AFF1: variants seen among roughly 807,000 people sequenced by gnomAD.
The protein encoded by AFF1 is AF4/FMR2 family member 1.
AFF1 carries 48 observed loss-of-function variants against 121.7 expected under a neutral mutation model. The ratio of observed to expected loss-of-function variants is 0.39; its 90% CI spans 0.31 to 0.50. The LOEUF is 0.50. AFF1 is among the 20% of genes least tolerant of loss of function. The pLI, the probability that AFF1 is intolerant of heterozygous loss-of-function variation, is 0.76. For missense variants in AFF1, 1,523 were observed against 1,511.7 expected (o/e 1.01, Z -0.12); for synonymous variants, 613 against 563.0 (o/e 1.09, Z -1.26).
At position 87,134,069 on chromosome 4, in the gene AFF1, G is replaced by A. The variant is rs553327889; in HGVS notation, c.3312-402G>A. On this transcript the variant is annotated intron_variant, in intron 19 of 20. Coordinates refer to ENST00000395146, the MANE Select transcript of AFF1 (RefSeq NM_001166693.3). Reference sequence around the variant, plus strand: ...ATGTTCAAGTGGTGGCAGAAAGGAAGCTGTGATATATCCAGGGTATCCACA... The same window carrying A: ...ATGTTCAAGTGGTGGCAGAAAGGAAACTGTGATATATCCAGGGTATCCACA... Among the ~76,000 whole-genome samples the A allele has an allele frequency of 3.9e-5, 6 of 152,354 alleles. No homozygotes were observed. The South Asian group carries it at 1.0e-3, about 26-fold the overall frequency.
At chr4:87,030,199 C>T (rs778465034) in intron 2 of AFF1, among the ~76,000 whole-genome samples, 8 of 151,938 alleles carry the variant, frequency 5.3e-5, no homozygotes, top group Non-Finnish European at 1.2e-4. Context: ...GGTCAACAAA[C>T]CTTTTCTGTG....
chr4:87,035,621 G>A (rs1421373357), intron 2 of AFF1, among the ~76,000 whole-genome samples: 3 of 151,960 alleles, frequency 2.0e-5, no homozygotes, highest in Admixed American at 6.5e-5. Context: ...TCCCAGAAAG[G>A]TTTTAGGTAG....
At chr4:86,963,963 GTTTT>G (rs3035477) in intron 2 of AFF1, among the ~76,000 whole-genome samples, 3 of 104,382 alleles carry the variant, frequency 2.9e-5, no homozygotes, top group East Asian at 2.9e-4. Context: ...GACTAGACTG[GTTTT>G]TTTTTTTTTT....
At chr4:86,956,909 G>A (rs556383661) in intron 2 of AFF1, among the ~76,000 whole-genome samples, 1 of 152,238 alleles carries the variant, frequency 6.6e-6, no homozygotes, top group South Asian at 2.1e-4. Context: ...TTTAGGAGAG[G>A]AATTGCTTGC....
At chr4:86,969,529 T>C (rs1180205128) in intron 2 of AFF1, among the ~76,000 whole-genome samples, 1 of 147,526 alleles carries the variant, frequency 6.8e-6, no homozygotes, top group Non-Finnish European at 1.5e-5. Context: ...AATAGGGGAT[T>C]AGATTCTATG....
At chr4:87,008,271 TA>T (rs1726374515) in intron 2 of AFF1, among the ~76,000 whole-genome samples, 1 of 152,216 alleles carries the variant, frequency 6.6e-6, no homozygotes, top group African/African-American at 2.4e-5. Flanking sequence ...TTCAAGCTGA[TA>T]TTTGATGTAG....
chr4:87,060,242 C>A (rs1487688779), intron 4 of AFF1, among the ~76,000 whole-genome samples: 1 of 152,074 alleles, frequency 6.6e-6, no homozygotes, highest in Non-Finnish European at 1.5e-5. Context: ...CAGAATTGAG[C>A]CTGGAGATTA....
intron 2 of AFF1, among the ~76,000 whole-genome samples, chr4:87,020,336 A>G (rs1180205335): frequency 6.6e-6 from 1 of 152,204 alleles, no homozygotes; most frequent in Non-Finnish European, 1.5e-5. Flanking sequence ...CTTTATTTTC[A>G]GAGTCCAGAG....
chr4:86,999,451 T>C (rs1279107421), intron 2 of AFF1, among the ~76,000 whole-genome samples: 1 of 152,200 alleles, frequency 6.6e-6, no homozygotes, highest in African/African-American at 2.4e-5. Context: ...TCAGCATCTG[T>C]TGTAACTGCA....
chr4:87,081,206 G>C (rs1204025294), intron 4 of AFF1, among the ~76,000 whole-genome samples: 1 of 124,096 alleles, frequency 8.1e-6, no homozygotes, highest in Non-Finnish European at 1.6e-5. Flanking sequence ...CGGTCTCCCA[G>C]GCTGGACTAC....
chr4:87,133,444 A>C (rs973417879), intron 19 of AFF1, among the ~76,000 whole-genome samples: 9 of 152,246 alleles, frequency 5.9e-5, no homozygotes, highest in African/African-American at 1.9e-4. Context: ...CCTCTCTTAA[A>C]AAAGAAAGTC....
chr4:87,096,166 G>C (rs575422469), intron 8 of AFF1, among the ~76,000 whole-genome samples: 123 of 152,200 alleles, frequency 8.1e-4, no homozygotes, highest in Non-Finnish European at 1.4e-3. Context: ...TGTTTTTTTG[G>C]TCTGAAAGAT....
At chr4:86,995,330 C>T (rs1725054670) in intron 2 of AFF1, among the ~76,000 whole-genome samples, 1 of 134,234 alleles carries the variant, frequency 7.4e-6, no homozygotes, top group Admixed American at 7.1e-5. Context: ...TCTCCCTCTC[C>T]CTCTCTTTCC....
At chr4:87,133,672 C>G (rs1156758526) in intron 19 of AFF1, among the ~76,000 whole-genome samples, 2 of 152,246 alleles carry the variant, frequency 1.3e-5, no homozygotes, top group African/African-American at 4.8e-5. Context: ...AGCTTTCACT[C>G]TACTCCTTGC....
intron 2 of AFF1, among the ~76,000 whole-genome samples, chr4:86,963,487 G>T (rs1028760605): frequency 2.6e-5 from 4 of 152,118 alleles, no homozygotes; most frequent in African/African-American, 9.7e-5. Flanking sequence ...ATTAGCGCTT[G>T]CGTTCAGGTT....
rs553136901 is a variant in AFF1, at chr4:87,008,286, A to G, written c.39-37880A>G. Among the ~76,000 whole-genome samples, 3 of 152,358 alleles carry G rather than the reference A, an allele frequency of 2.0e-5. No homozygotes were observed. In the East Asian group the frequency reaches 5.8e-4, roughly 29 times the overall value. The stretch of plus-strand genomic sequence containing the variant: ...TTCAAGCTGATATTTGATGTAGAAC[A>G]GTGATTTTGGGAGGTCTCAGAAGAC... On this transcript the variant is annotated intron_variant, in intron 2 of 20. Transcript: ENST00000395146.
chr4:87,023,808 G>T (rs547356822), intron 2 of AFF1, among the ~76,000 whole-genome samples: 1 of 152,188 alleles, frequency 6.6e-6, no homozygotes, highest in South Asian at 2.1e-4. Flanking sequence ...AAACAAGAGG[G>T]TTCGTTCTAT....
At chr4:86,990,165 TTATAA>T (rs1462001433) in intron 2 of AFF1, among the ~76,000 whole-genome samples, 1 of 76,780 alleles carries the variant, frequency 1.3e-5, no homozygotes, top group Non-Finnish European at 3.6e-5. Context: ...AGAACTTAAA[TTATAA>T]TAATAATAAT....
intron 12 of AFF1, among the ~76,000 whole-genome samples, chr4:87,115,731 C>T (rs1038818148): frequency 1.3e-5 from 2 of 150,450 alleles, no homozygotes; most frequent in Non-Finnish European, 3.0e-5. Flanking sequence ...ACCTCAGCCT[C>T]CTGAGTAGCT....
Sources: gnomAD v4.1 joint callset for allele counts (sites outside exome capture counted in the v4.1 genomes callset) on GRCh38, gnomAD v4.1.1 for gene constraint, MANE v1.5 for transcripts, NCBI Gene and HGNC (gene_info 2026-07-23, HGNC 2026-07-21) for gene names.